KYAT1: variants seen among roughly 807,000 people sequenced by gnomAD.
KYAT1 encodes kynurenine--oxoglutarate transaminase 1.
A neutral mutation model predicts 52.4 loss-of-function variants in KYAT1; 47 were observed. The observed-to-expected ratio is 0.90, with a 90% CI of 0.71 to 1.14. KYAT1 has a LOEUF of 1.14. Among genes scored for constraint, KYAT1 ranks in the 50% most tolerant of loss-of-function variants. KYAT1 has a pLI of 0.00. For missense variants in KYAT1, 480 were observed against 557.9 expected, an observed-to-expected ratio of 0.86 and a Z score of 1.41; for synonymous variants, 212 against 209.6, an observed-to-expected ratio of 1.01 and a Z score of -0.10.
At chr9:128,838,687 C>T (rs1316248208) in intron 3 of KYAT1, among the ~76,000 whole-genome samples, 2 of 152,226 alleles carry the variant, frequency 1.3e-5, no homozygotes, top group African/African-American at 2.4e-5. Flanking sequence ...ACCACCAGGC[C>T]TGCACTGACT....
chr9:128,866,338 G>A (rs1185617229), intron 1 of KYAT1, among the ~76,000 whole-genome samples: 2 of 152,130 alleles, frequency 1.3e-5, no homozygotes, highest in Non-Finnish European at 2.9e-5. Flanking sequence ...GGTGGCTCAC[G>A]CCTGTAATCC....
At chr9:128,849,310 C>G (rs931782437) in intron 1 of KYAT1, among the ~76,000 whole-genome samples, 4 of 150,018 alleles carry the variant, frequency 2.7e-5, no homozygotes, top group Non-Finnish European at 4.4e-5. Flanking sequence ...ACCCAGGAGG[C>G]TGAGGCAGGA....
upstream of KYAT1, chr9:128,882,460 C>A: frequency 2.7e-6 from 1 of 364,700 alleles, no homozygotes; most frequent in Non-Finnish European, 4.9e-6. Flanking sequence ...TCGCCGGCTC[C>A]GCGGCGCGCG....
At chr9:128,875,690 G>A (rs1209193815) in intron 1 of KYAT1, among the ~76,000 whole-genome samples, 4 of 151,992 alleles carry the variant, frequency 2.6e-5, no homozygotes, top group African/African-American at 7.3e-5. Flanking sequence ...TGGCAGCACC[G>A]AGGAGGCCCA....
intron 3 of KYAT1, among the ~76,000 whole-genome samples, chr9:128,841,652 C>T (rs891677158): frequency 2.1e-5 from 3 of 146,284 alleles, no homozygotes; most frequent in African/African-American, 5.1e-5. Flanking sequence ...GCCGAGATTG[C>T]GCCCCTGCAC....
chr9:128,835,626 G>A lies in KYAT1; in HGVS notation c.897C>T (p.Phe299=), dbSNP rs889431792. The change falls in exon 10 of 13, where the codon TTC becomes TTT. Residue 299 remains phenylalanine (F), a synonymous_variant. Coordinates refer to ENST00000302586, the MANE Select transcript of KYAT1 (RefSeq NM_004059.5). ...AESFEREQLL[F]RQPSSYFVQF... ...GCACAAAGTAGCTGCTGGGTTGGCGGAAGAGCAGCTGCTCCCGTTCAAAGC... is the reference window on the plus strand; with the variant it reads ...GCACAAAGTAGCTGCTGGGTTGGCGAAAGAGCAGCTGCTCCCGTTCAAAGC... 1 of 1,611,914 alleles carries A rather than the reference G, an allele frequency of 6.2e-7. No homozygotes were observed. The highest frequency in any genetic ancestry group is 8.5e-7 in the Non-Finnish European group (1 of 1,179,996).
chr9:128,851,089 C>G (rs1392279131), intron 1 of KYAT1, among the ~76,000 whole-genome samples: 1 of 152,184 alleles, frequency 6.6e-6, no homozygotes, highest in Non-Finnish European at 1.5e-5. Context: ...GAGACCGGTA[C>G]TGGTGCAGGT....
chr9:128,856,425 G>A (rs985277908), intron 1 of KYAT1, among the ~76,000 whole-genome samples: 6 of 152,140 alleles, frequency 3.9e-5, no homozygotes, highest in African/African-American at 7.2e-5. Context: ...TGACTATGGC[G>A]GTTTTGTCAA....
At chr9:128,882,403 C>T (rs180935939), upstream of KYAT1, 95 of 280,094 alleles carry the variant, frequency 3.4e-4, 2 homozygotes, top group East Asian at 5.3e-3. Context: ...GGTGTTCGGC[C>T]TACCTCTGGG....
At chr9:128,863,030 T>C (rs1355909345) in intron 1 of KYAT1, among the ~76,000 whole-genome samples, 1 of 151,900 alleles carries the variant, frequency 6.6e-6, no homozygotes, top group African/African-American at 2.4e-5. Flanking sequence ...GGTTTCACCA[T>C]GTTGGCCAGG....
At chr9:128,864,386 AG>A (rs1835896779) in intron 1 of KYAT1, among the ~76,000 whole-genome samples, 1 of 150,146 alleles carries the variant, frequency 6.7e-6, no homozygotes, top group Non-Finnish European at 1.5e-5. Context: ...AAAAAAAAAA[AG>A]TTTTTCATTT....
intron 8 of KYAT1, 30 bp from the exon 9 acceptor site, chr9:128,835,898 G>A: frequency 1.2e-6 from 2 of 1,611,858 alleles, no homozygotes; most frequent in Non-Finnish European, 1.7e-6. Context: ...AGGGGGAGAG[G>A]TCCTTCCAGA....
chr9:128,876,938 A>T (rs1390686115), intron 1 of KYAT1, among the ~76,000 whole-genome samples: 2 of 150,926 alleles, frequency 1.3e-5, no homozygotes, highest in African/African-American at 4.9e-5. Context: ...TCACTCTTTC[A>T]CCCAGGCTGG....
chr9:128,867,206 G>T (rs1836516998), intron 1 of KYAT1, among the ~76,000 whole-genome samples: 1 of 152,128 alleles, frequency 6.6e-6, no homozygotes, highest in Admixed American at 6.6e-5. Context: ...TTGAGACAGG[G>T]TCTTGCTCTG....
chr9:128,857,021 GAT>G (rs1190217835), intron 1 of KYAT1, among the ~76,000 whole-genome samples: 2 of 152,238 alleles, frequency 1.3e-5, no homozygotes, highest in African/African-American at 2.4e-5. Flanking sequence ...TCAATTCTGA[GAT>G]AGGAGAAAAA....
chr9:128,845,433 G>A, intron 1 of KYAT1, 22 bp from the exon 2 acceptor site: 1 of 1,612,530 alleles, frequency 6.2e-7, no homozygotes, highest in Non-Finnish European at 8.5e-7. Context: ...CAAGTGGAAG[G>A]TCAGAGATGG....
At position 128,865,324 on chromosome 9, in the gene KYAT1, TATATATATATATATATATATA is replaced by T. The variant is rs1836083633; in HGVS notation, c.-7+16552_-7+16572del. On this transcript the variant is annotated intron_variant, in intron 1 of 12. Coordinates refer to ENST00000302586, the MANE Select transcript of KYAT1 (RefSeq NM_004059.5). The stretch of plus-strand genomic sequence containing the variant: ...CAGAGCCTACATATATATATATATA[TATATATATATATATATATATA>T]TATATATATATATATTTTTTTTTTT... Among the ~76,000 whole-genome samples, 2 of 16,454 alleles carry T rather than the reference TATATATATATATATATATATA, an allele frequency of 1.2e-4. 1 individual carries two copies. The highest frequency in any genetic ancestry group is 1.5e-3 in the African/African-American group (2 of 1,330). The allele number at this position is 16,454 out of a possible 152,430, so 10.8% of individuals were successfully genotyped here.
intron 1 of KYAT1, among the ~76,000 whole-genome samples, chr9:128,867,003 G>T (rs1219558272): frequency 6.6e-6 from 1 of 151,890 alleles, no homozygotes; most frequent in Non-Finnish European, 1.5e-5. Context: ...TTGCCTCTCA[G>T]ATGGGCCAAG....
chr9:128,838,012 G>A (rs770290754), intron 5 of KYAT1, 39 bp downstream of exon 5: 9 of 1,599,598 alleles, frequency 5.6e-6, no homozygotes, highest in Non-Finnish European at 7.7e-6. Context: ...CCACGCCTTG[G>A]ATCCCTCTGC....
Sources: gnomAD v4.1 joint callset for allele counts (sites outside exome capture counted in the v4.1 genomes callset) on GRCh38, gnomAD v4.1.1 for gene constraint, MANE v1.5 for transcripts, NCBI Gene and HGNC (gene_info 2026-07-23, HGNC 2026-07-21) for gene names.